Variants in CEP290 observed in about 807,000 individuals in gnomAD.
CEP290 encodes the protein centrosomal protein 290, also known as centrosomal protein of 290 kDa.
In CEP290, 317 loss-of-function variants were observed where a neutral mutation model predicts 344.9. The ratio of observed to expected loss-of-function variants is 0.92; its 90% CI spans 0.84 to 1.01. CEP290 has a LOEUF of 1.01. Among genes scored for constraint, CEP290 ranks in the 50% least tolerant of loss-of-function variants. CEP290 has a pLI of 0.00. For synonymous variants in CEP290, 932 were observed against 895.8 expected, an observed-to-expected ratio of 1.04 and a Z score of -0.72; for missense variants, 2,754 against 2,761.4, an observed-to-expected ratio of 1.00 and a Z score of 0.06.
chr12:88,095,993 T>A (rs2037397321), intron 27 of CEP290, among the ~76,000 whole-genome samples: 1 of 152,218 alleles, frequency 6.6e-6, no homozygotes, highest in Admixed American at 6.5e-5. Context: ...AGTGATTTAA[T>A]CACTCAAACA....
chr12:88,113,586 C>G (rs1476360697), intron 20 of CEP290, among the ~76,000 whole-genome samples: 2 of 151,640 alleles, frequency 1.3e-5, no homozygotes, highest in Non-Finnish European at 1.5e-5. Flanking sequence ...TGAAATCAAG[C>G]ACAAATTTGG....
At chr12:88,088,160 T>G (rs1030157357) in intron 31 of CEP290, among the ~76,000 whole-genome samples, 1 of 152,194 alleles carries the variant, frequency 6.6e-6, no homozygotes, top group Non-Finnish European at 1.5e-5. Context: ...ATCTTCAAAT[T>G]ATGTTGGAAT....
intron 13 of CEP290, 96 bp from the exon 14 acceptor site, chr12:88,121,262 A>T (rs1212061767): frequency 4.1e-6 from 3 of 735,146 alleles, no homozygotes; most frequent in African/African-American, 3.7e-5. Flanking sequence ...GTATGCCATT[A>T]AAAAAAAATC....
intron 20 of CEP290, among the ~76,000 whole-genome samples, chr12:88,113,380 G>T (rs972218432): frequency 8.6e-5 from 13 of 152,024 alleles, no homozygotes; most frequent in African/African-American, 3.1e-4. Context: ...TCACCAATCA[G>T]AGAAGGAAAG....
At position 88,084,613 on chromosome 12, in the gene CEP290, A is replaced by G. The variant is rs2137182509; in HGVS notation, c.4677T>C (p.Tyr1559=). 2.5e-6 allele frequency: 4 copies of G among 1,612,210 alleles called. No individual in the cohort carries two copies. The highest frequency in any genetic ancestry group is 3.3e-4 in the Middle Eastern group (2 of 6,044). The part of the protein sequence containing the change: ...LNQKEEVLKK[Y]QRLLEKAREE... Reference sequence around the variant, plus strand: ...CTCTGGCTTTTTCTAGAAGACGTTGATACTTCTTTAATACTTCTTCTTTTT... The same window carrying G: ...CTCTGGCTTTTTCTAGAAGACGTTGGTACTTCTTTAATACTTCTTCTTTTT... The change falls in exon 35 of 54, where the codon TAT becomes TAC. Residue 1559 remains tyrosine (Y), a synonymous_variant. Coordinates refer to ENST00000552810, the MANE Select transcript of CEP290 (RefSeq NM_025114.4).
intron 29 of CEP290, among the ~76,000 whole-genome samples, chr12:88,091,728 A>C (rs1354963710): frequency 1.3e-5 from 2 of 152,136 alleles, no homozygotes; most frequent in African/African-American, 4.8e-5. Flanking sequence ...GATATTCCCA[A>C]GAGAACTATC....
At chr12:88,124,628 CGT>C (rs1166622760) in intron 13 of CEP290, among the ~76,000 whole-genome samples, 11 of 151,738 alleles carry the variant, frequency 7.2e-5, no homozygotes, top group African/African-American at 2.2e-4. Context: ...ATTCCATGCG[CGT>C]GTGTATAAAT....
chr12:88,126,659 CTTTT>C (rs1387213977), intron 11 of CEP290, among the ~76,000 whole-genome samples: 2 of 151,946 alleles, frequency 1.3e-5, no homozygotes, highest in Admixed American at 1.3e-4. Flanking sequence ...ACCGAATTTT[CTTTT>C]TTTATAATTC....
chr12:88,065,960 G>A (rs984519684), intron 44 of CEP290, among the ~76,000 whole-genome samples: 23 of 152,224 alleles, frequency 1.5e-4, no homozygotes, highest in Middle Eastern at 6.8e-3. Context: ...AGAATAATCC[G>A]GTTAAAAGCC....
At chr12:88,130,911 C>T (rs1360319363) in intron 7 of CEP290, among the ~76,000 whole-genome samples, 1 of 151,976 alleles carries the variant, frequency 6.6e-6, no homozygotes, top group Non-Finnish European at 1.5e-5. Context: ...AATTAGAAAA[C>T]TAGCAAAGAA....
chr12:88,115,513 T>C (rs1010512910), intron 18 of CEP290: 1 of 1,296,304 alleles, frequency 7.7e-7, no homozygotes, highest in South Asian at 1.2e-5. Flanking sequence ...TCAAGCTCTA[T>C]ATCTGCATTT....
chr12:88,103,759 G>A (rs1236722879), intron 25 of CEP290: 3 of 152,122 alleles, frequency 2.0e-5, no homozygotes, highest in Non-Finnish European at 4.4e-5. Context: ...ACTTACGGTT[G>A]TAATTCATTC....
chr12:88,060,834 A>C lies in CEP290; in HGVS notation c.6518T>G (p.Leu2173Trp), dbSNP rs1349715692. ...GATCACATTAAAAAAAATTACCTTC[A>C]ATTTTTCATTTTCCTGCTCAATATT... ...MANIEQENEK[L>W]KAELEKLKAH... Residue 2173 changes from leucine (L) to tryptophan (W), a missense_variant, in exon 47 of 54, where the codon TTG becomes TGG. Coordinates refer to ENST00000552810, the MANE Select transcript of CEP290 (RefSeq NM_025114.4). 2.6e-6 allele frequency: 4 copies of C among 1,519,576 alleles called. No homozygotes were observed. The Admixed American group carries it at 7.4e-5, about 28-fold the overall frequency. The allele number at this position is 1,519,576 out of a possible 1,614,324, so 94.1% of individuals were successfully genotyped here.
At chr12:88,080,130 C>T in intron 38 of CEP290, 52 bp downstream of exon 38, 1 of 1,167,466 alleles carries the variant, frequency 8.6e-7, no homozygotes, top group Non-Finnish European at 1.2e-6. Context: ...TCTCTAAAAG[C>T]AATCTACCAC....
chr12:88,053,988 A>G (rs2033790208), intron 51 of CEP290, among the ~76,000 whole-genome samples: 1 of 152,188 alleles, frequency 6.6e-6, no homozygotes, highest in African/African-American at 2.4e-5. Flanking sequence ...TCGTTATAAG[A>G]GGAGCTTAAT....
chr12:88,071,457 A>T lies in CEP290; in HGVS notation c.5856-8T>A. 1 of 1,589,460 alleles carries T rather than the reference A, an allele frequency of 6.3e-7. No individual in the cohort carries two copies. Among genetic ancestry groups the T allele is most frequent in the South Asian group, 1.2e-5 (1 of 85,566 alleles). ...AGTTTCTCTTTATCGGCTCTGTGGA[A>T]TTTAATATAGAATCATGAAATATAC... On this transcript the variant is annotated splice_region_variant and splice_polypyrimidine_tract_variant and intron_variant, in intron 42 of 53. Coordinates refer to ENST00000552810, the MANE Select transcript of CEP290 (RefSeq NM_025114.4).
intron 35 of CEP290, 74 bp from the exon 36 acceptor site, chr12:88,084,028 T>C (rs1462885201): frequency 3.3e-6 from 3 of 918,340 alleles, no homozygotes; most frequent in Admixed American, 5.1e-5. Context: ...ACCTTATATA[T>C]TTTCTCTTCA....
intron 51 of CEP290, among the ~76,000 whole-genome samples, chr12:88,054,044 C>A (rs2033794077): frequency 6.6e-6 from 1 of 152,134 alleles, no homozygotes; most frequent in African/African-American, 2.4e-5. Context: ...ATTACTTGTT[C>A]TCTTTCATTA....
In CEP290 at chr12:88,071,342, T is replaced by G; in HGVS notation, c.5963A>C (p.Glu1988Ala). 1 of 1,608,526 alleles carries G rather than the reference T, an allele frequency of 6.2e-7. No homozygotes were observed. The highest frequency in any genetic ancestry group is 2.2e-5 in the East Asian group (1 of 44,776). Reference protein sequence around the residue: ...RALESEKELEELKKRNLDLEN... With the variant: ...RALESEKELEALKKRNLDLEN... The stretch of plus-strand genomic sequence containing the variant: ...TAAGTCAAGATTTCTCTTTTTTAAT[T>G]CTTCCAATTCTTTTTCTGACTCCAA... Residue 1988 changes from glutamate (E) to alanine (A), a missense_variant, in exon 43 of 54, where the codon GAA (glutamate) becomes GCA (alanine). Transcript: ENST00000552810.
Sources: allele counts gnomAD v4.1 joint callset (sites outside exome capture counted in the v4.1 genomes callset), GRCh38; gene constraint gnomAD v4.1.1; transcripts MANE v1.5; gene names NCBI Gene and HGNC (gene_info 2026-07-23, HGNC 2026-07-21).